The following FKBP1B variants were observed in gnomAD, a reference collection of about 807,000 sequenced individuals.
FKBP1B encodes FKBP prolyl isomerase 1B.
FKBP1B carries 4 observed loss-of-function variants against 13.5 expected under a neutral mutation model. That is an observed-to-expected ratio of 0.30 (90% CI 0.15 to 0.68). FKBP1B has a LOEUF of 0.68. FKBP1B is among the 30% of genes least tolerant of loss of function. The pLI is 0.76. For synonymous variants in FKBP1B, 54 were observed against 53.6 expected (o/e 1.01, Z -0.03); for missense variants, 93 against 136.2 (o/e 0.68, Z 1.58).
At chr2:24,060,731 C>T in intron 2 of FKBP1B, 83 bp from the exon 3 acceptor site, 1 of 967,274 alleles carries the variant, frequency 1.0e-6, no homozygotes, top group Non-Finnish European at 1.6e-6. Context: ...GCAGAAAAGG[C>T]ATTCCATTTT....
At chr2:24,035,723 T>TG in the FKBP1B span, among the ~76,000 whole-genome samples, 1 of 151,360 alleles carries the variant, frequency 6.6e-6, no homozygotes, top group Non-Finnish European at 1.5e-5. Context: ...CAAACAAGCC[T>TG]GGGCAACATA....
rs1277039977 is a variant in FKBP1B, at chr2:24,063,350, T to C, written c.*158T>C. Reference sequence around the variant, plus strand: ...TTCTCTCTGCCCAAGTTGCTCTGTATGTGTTCGTCAGTGTTCATGCGAATT... The same window carrying C: ...TTCTCTCTGCCCAAGTTGCTCTGTACGTGTTCGTCAGTGTTCATGCGAATT... On this transcript the variant is annotated 3_prime_UTR_variant, in exon 4 of 4. Transcript: ENST00000380986. 1.3e-5 allele frequency: 9 copies of C among 688,354 alleles called. No individual in the cohort carries two copies. Among genetic ancestry groups the C allele is most frequent in the African/African-American group, 7.4e-5 (4 of 54,232 alleles). The allele number at this position is 688,354 out of a possible 1,614,324, so 42.6% of individuals were successfully genotyped here. A position where few individuals can be genotyped will look rare whatever the true frequency, so the allele number is the denominator to read the frequency against.
intron 3 of FKBP1B, among the ~76,000 whole-genome samples, chr2:24,061,465 A>G (rs1371130305): frequency 6.6e-6 from 1 of 152,162 alleles, no homozygotes; most frequent in African/African-American, 2.4e-5. Flanking sequence ...AAAACAAAAC[A>G]AAAAAATAAA....
At chr2:24,035,751 T>C in the FKBP1B span, among the ~76,000 whole-genome samples, 9 of 150,886 alleles carry the variant, frequency 6.0e-5, no homozygotes, top group East Asian at 2.0e-4. Flanking sequence ...CTTGTCTCTA[T>C]AGTTAAAAAA....
the FKBP1B span, among the ~76,000 whole-genome samples, chr2:24,036,582 G>A: frequency 3.3e-5 from 5 of 152,138 alleles, no homozygotes; most frequent in African/African-American, 1.2e-4. Context: ...CTACTTCTGG[G>A]AACCAATCCA....
chr2:24,038,463 C>T, the FKBP1B span: 4 of 1,614,080 alleles, frequency 2.5e-6, no homozygotes, highest in Non-Finnish European at 3.4e-6. Context: ...TAAATGCTAT[C>T]AGATCAGGAA....
upstream of FKBP1B, among the ~76,000 whole-genome samples, chr2:24,047,152 C>G (rs557570408): frequency 6.6e-6 from 1 of 152,136 alleles, no homozygotes; most frequent in Admixed American, 6.5e-5. Flanking sequence ...ATCCTCATCC[C>G]GCGACCCCTC....
upstream of FKBP1B, among the ~76,000 whole-genome samples, chr2:24,047,759 A>G (rs1663676865): frequency 6.6e-6 from 1 of 152,312 alleles, no homozygotes; most frequent in Middle Eastern, 3.4e-3. Context: ...TCTCTCAGGA[A>G]AATGTTCTTA....
chr2:24,040,097 G>C, the FKBP1B span, among the ~76,000 whole-genome samples: 1 of 151,984 alleles, frequency 6.6e-6, no homozygotes, highest in East Asian at 1.9e-4. Flanking sequence ...TCCCGCGCCC[G>C]GCCAGAGTTA....
upstream of FKBP1B, among the ~76,000 whole-genome samples, chr2:24,049,138 T>C (rs1192321258): frequency 6.6e-6 from 1 of 152,134 alleles, no homozygotes; most frequent in Admixed American, 6.6e-5. Flanking sequence ...TGAGCGCATC[T>C]AATTAAAGTG....
the FKBP1B span, among the ~76,000 whole-genome samples, chr2:24,040,271 A>G: frequency 6.6e-6 from 1 of 152,258 alleles, no homozygotes; most frequent in Non-Finnish European, 1.5e-5. Flanking sequence ...ACACACAGAA[A>G]GAAAACAAAT....
chr2:24,040,414 C>T, the FKBP1B span, among the ~76,000 whole-genome samples: 3 of 152,156 alleles, frequency 2.0e-5, no homozygotes, highest in Non-Finnish European at 2.9e-5. Flanking sequence ...AATTTCTATT[C>T]GTCCTTTCAC....
At chr2:24,059,049 C>T (rs1664260164) in intron 2 of FKBP1B, among the ~76,000 whole-genome samples, 1 of 152,178 alleles carries the variant, frequency 6.6e-6, no homozygotes, top group Non-Finnish European at 1.5e-5. Flanking sequence ...AAATATGACA[C>T]ATCTGAGGCC....
chr2:24,042,718 A>C, the FKBP1B span, among the ~76,000 whole-genome samples: 1 of 149,942 alleles, frequency 6.7e-6, no homozygotes, highest in East Asian at 2.0e-4. Context: ...TCAAAAAAAA[A>C]AAAATTTAGT....
At chr2:24,052,100 G>A (rs1258956647) in intron 1 of FKBP1B, among the ~76,000 whole-genome samples, 2 of 152,086 alleles carry the variant, frequency 1.3e-5, no homozygotes, top group Non-Finnish European at 2.9e-5. Context: ...CCCATTTCCA[G>A]TCTGATTGCA....
At chr2:24,060,663 A>G in intron 2 of FKBP1B, 151 bp from the exon 3 acceptor site, 1 of 614,952 alleles carries the variant, frequency 1.6e-6, no homozygotes, top group Non-Finnish European at 2.9e-6. Context: ...GGAAGTGTCC[A>G]GATTTCCTGC....
the FKBP1B span, among the ~76,000 whole-genome samples, chr2:24,034,543 A>T: frequency 6.6e-6 from 1 of 152,080 alleles, no homozygotes; most frequent in Middle Eastern, 3.4e-3. Flanking sequence ...ATTATAAACT[A>T]AAAAACTGAG....
intron 1 of FKBP1B, among the ~76,000 whole-genome samples, chr2:24,053,134 C>T (rs1342383251): frequency 6.6e-6 from 1 of 152,040 alleles, no homozygotes; most frequent in Non-Finnish European, 1.5e-5. Context: ...TTTATTGTGA[C>T]AGGGTCTTGC....
chr2:24,059,302 CAT>C (rs1664272100), intron 2 of FKBP1B, among the ~76,000 whole-genome samples: 1 of 151,160 alleles, frequency 6.6e-6, no homozygotes, highest in East Asian at 1.9e-4. Flanking sequence ...ACTGAGATGA[CAT>C]GTGGACATCA....
Sources: allele counts gnomAD v4.1 joint callset (sites outside exome capture counted in the v4.1 genomes callset), GRCh38; gene constraint gnomAD v4.1.1; transcripts MANE v1.5; gene names NCBI Gene and HGNC (gene_info 2026-07-23, HGNC 2026-07-21).